The following SORCS3 variants were observed in gnomAD, a reference collection of about 807,000 sequenced individuals.
SORCS3 encodes sortilin related VPS10 domain containing receptor 3.
SORCS3 carries 57 observed loss-of-function variants against 146.3 expected under a neutral mutation model. The observed-to-expected ratio is 0.39, with a 90% CI of 0.31 to 0.49. The LOEUF is 0.49. Among genes scored for constraint, SORCS3 ranks in the 20% least tolerant of loss-of-function variants. The pLI is 0.92. For synonymous variants in SORCS3, 653 were observed against 618.5 expected, an observed-to-expected ratio of 1.06 and a Z score of -0.83; for missense variants, 1,341 against 1,575.5, an observed-to-expected ratio of 0.85 and a Z score of 2.52.
chr10:105,234,963 C>A (rs540925498), intron 20 of SORCS3, among the ~76,000 whole-genome samples: 4 of 152,048 alleles, frequency 2.6e-5, no homozygotes, highest in Admixed American at 6.6e-5. Flanking sequence ...AAAGGAATGG[C>A]TGTAAATAAG....
intron 3 of SORCS3, among the ~76,000 whole-genome samples, chr10:104,973,774 T>G (rs1381615530): frequency 6.8e-6 from 1 of 146,252 alleles, no homozygotes; most frequent in African/African-American, 2.7e-5. Flanking sequence ...TCTAGTTCTT[T>G]TAATTGTGAT....
intron 5 of SORCS3, among the ~76,000 whole-genome samples, chr10:105,062,763 T>A (rs1241133040): frequency 2.6e-5 from 4 of 152,164 alleles, no homozygotes; most frequent in Non-Finnish European, 5.9e-5. Flanking sequence ...ACCCCACCCT[T>A]GATTGTTTGT....
Position 104,784,079 on chromosome 10 carries a change from A to G in SORCS3, c.628-58713A>G, listed in dbSNP as rs79888770. 1.2e-4 allele frequency among the ~76,000 whole-genome samples: 19 copies of G among 152,300 alleles called. 1 individual carries two copies. The East Asian group carries it at 3.7e-3, about 29-fold the overall frequency. ...GAAGAGTCCTGTTTATCTTTGTTTAATTCCAGGTTTCACAAACTATTTGAC... is the reference window on the plus strand; with the variant it reads ...GAAGAGTCCTGTTTATCTTTGTTTAGTTCCAGGTTTCACAAACTATTTGAC... On this transcript the variant is annotated intron_variant, in intron 1 of 26. Coordinates refer to ENST00000369701, the MANE Select transcript of SORCS3 (RefSeq NM_014978.3).
intron 1 of SORCS3, among the ~76,000 whole-genome samples, chr10:104,701,222 T>A (rs920829251): frequency 6.6e-6 from 1 of 152,214 alleles, no homozygotes; most frequent in African/African-American, 2.4e-5. Flanking sequence ...TCATAGCAAG[T>A]GCAGTTAATA....
chr10:104,912,409 G>T (rs1326317473), intron 2 of SORCS3, among the ~76,000 whole-genome samples: 3 of 152,178 alleles, frequency 2.0e-5, no homozygotes, highest in Non-Finnish European at 4.4e-5. Flanking sequence ...CACTGCCTAG[G>T]ATAGTTGCTC....
chr10:105,055,129 T>G (rs927377035), intron 5 of SORCS3, among the ~76,000 whole-genome samples: 4 of 152,182 alleles, frequency 2.6e-5, no homozygotes, highest in Non-Finnish European at 5.9e-5. Context: ...TTTCTTCATA[T>G]TAGCTCTACA....
chr10:105,071,570 G>C (rs1199882366), intron 5 of SORCS3, among the ~76,000 whole-genome samples: 3 of 152,054 alleles, frequency 2.0e-5, no homozygotes. Flanking sequence ...ATATATTTAT[G>C]GGGCACGTGA....
intron 1 of SORCS3, among the ~76,000 whole-genome samples, chr10:104,837,010 A>G (rs1415761986): frequency 6.6e-6 from 1 of 152,162 alleles, no homozygotes; most frequent in Admixed American, 6.5e-5. Context: ...CATTTTCTGG[A>G]CTTAATTGCT....
At chr10:104,738,097 G>A (rs1322496516) in intron 1 of SORCS3, among the ~76,000 whole-genome samples, 14 of 152,040 alleles carry the variant, frequency 9.2e-5, no homozygotes, top group African/African-American at 1.2e-4. Context: ...GATATGCGGC[G>A]TTATTTCTGA....
chr10:104,795,054 GA>G (rs1208256460), intron 1 of SORCS3, among the ~76,000 whole-genome samples: 4 of 152,116 alleles, frequency 2.6e-5, no homozygotes, highest in Admixed American at 2.6e-4. Flanking sequence ...TGACAATACT[GA>G]AATGACATTC....
At chr10:104,883,976 G>GC (rs768625481) in intron 2 of SORCS3, among the ~76,000 whole-genome samples, 2 of 75,316 alleles carry the variant, frequency 2.7e-5, no homozygotes, top group African/African-American at 1.9e-4. Context: ...GCTGTGGAAT[G>GC]AGGGGGGGGA....
intron 20 of SORCS3, among the ~76,000 whole-genome samples, chr10:105,225,024 C>A (rs1445358397): frequency 6.6e-6 from 1 of 152,066 alleles, no homozygotes; most frequent in Non-Finnish European, 1.5e-5. Flanking sequence ...TTCTTCCACT[C>A]TGTGGCTTAT....
At chr10:105,209,608 G>A (rs987006603) in intron 16 of SORCS3, among the ~76,000 whole-genome samples, 13 of 152,236 alleles carry the variant, frequency 8.5e-5, no homozygotes, top group African/African-American at 3.1e-4. Flanking sequence ...TTACCAACAG[G>A]TTATGACCCC....
At chr10:104,965,755 A>G (rs776896875) in intron 3 of SORCS3, among the ~76,000 whole-genome samples, 2 of 152,068 alleles carry the variant, frequency 1.3e-5, no homozygotes, top group Non-Finnish European at 2.9e-5. Context: ...TCCTTTGCCC[A>G]TTTTTTAAAT....
chr10:105,085,215 G>A (rs1156557279), intron 5 of SORCS3, among the ~76,000 whole-genome samples: 3 of 152,222 alleles, frequency 2.0e-5, no homozygotes, highest in Admixed American at 6.5e-5. Flanking sequence ...GAATTATCCA[G>A]CTCAAAATGT....
chr10:104,926,235 T>C (rs757694286), intron 3 of SORCS3, among the ~76,000 whole-genome samples: 2 of 152,216 alleles, frequency 1.3e-5, no homozygotes, highest in Non-Finnish European at 2.9e-5. Flanking sequence ...TCTTCTTCCT[T>C]GTCTCTTAAA....
At chr10:104,700,759 C>T (rs1401407785) in intron 1 of SORCS3, among the ~76,000 whole-genome samples, 5 of 152,130 alleles carry the variant, frequency 3.3e-5, no homozygotes, top group Non-Finnish European at 7.4e-5. Context: ...CTCTCCGGTC[C>T]ACACAGCCAG....
Position 104,641,639 on chromosome 10 carries a change from A to G in SORCS3, c.312A>G (p.Glu104=). The G allele has an allele frequency of 6.6e-7, 1 of 1,525,448 alleles. No homozygotes were observed. The highest frequency in any genetic ancestry group is 8.8e-7 in the Non-Finnish European group (1 of 1,141,866). 94.5% of individuals were successfully genotyped at this position (1,525,448 alleles called of 1,614,324 possible). ...GGGRGGEMQV[E]AGGTSPAGER... is the part of the protein sequence containing the mutation. ...GCAGAGGCGGTGAGATGCAGGTGGA[A>G]GCCGGAGGGACATCACCGGCAGGCG... Residue 104 remains glutamate, a synonymous_variant, in exon 1 of 27, where the codon GAA becomes GAG. Transcript: ENST00000369701. This position sits in a 1 kb window ranked among gnomAD's most constrained non-coding sequence, Gnocchi z 6.4.
At chr10:104,716,253 A>G (rs763058554) in intron 1 of SORCS3, among the ~76,000 whole-genome samples, 1 of 152,144 alleles carries the variant, frequency 6.6e-6, no homozygotes, top group Non-Finnish European at 1.5e-5. Context: ...ACACGAGGAC[A>G]AGGTTTTTGT....
Sources: allele counts gnomAD v4.1 joint callset (sites outside exome capture counted in the v4.1 genomes callset), GRCh38; gene constraint gnomAD v4.1.1; non-coding constraint Gnocchi (gnomAD v3.1); transcripts MANE v1.5; gene names NCBI Gene and HGNC (gene_info 2026-07-23, HGNC 2026-07-21).